Variants in COL12A1 observed in about 807,000 individuals in gnomAD.
The protein encoded by COL12A1 is collagen alpha-1(XII) chain.
In COL12A1, 114 loss-of-function variants were observed where a neutral mutation model predicts 349.7. The observed-to-expected ratio is 0.33, with a 90% confidence interval of 0.28 to 0.38. The LOEUF (loss-of-function observed/expected upper bound fraction) is 0.38. COL12A1 is among the 10% of genes least tolerant of loss of function. The pLI is 1.00. For synonymous variants in COL12A1, 1,369 were observed against 1,329.0 expected, an observed-to-expected ratio of 1.03 and a Z score of -0.66; for missense variants, 3,284 against 3,756.9, an observed-to-expected ratio of 0.87 and a Z score of 3.29.
intron 15 of COL12A1, 108 bp downstream of exon 15, chr6:75,156,149 C>T (rs1210920115): frequency 3.0e-6 from 4 of 1,330,264 alleles, no homozygotes; most frequent in Middle Eastern, 2.1e-4. Flanking sequence ...TATAATTTAA[C>T]TTATTACGGA....
intron 21 of COL12A1, among the ~76,000 whole-genome samples, chr6:75,150,223 T>C (rs1023877494): frequency 6.6e-6 from 1 of 152,192 alleles, no homozygotes; most frequent in African/African-American, 2.4e-5. Flanking sequence ...GCCATAATTT[T>C]TATCATTAAT....
At chr6:75,096,666 G>A (rs1192702824) in intron 59 of COL12A1, among the ~76,000 whole-genome samples, 1 of 152,192 alleles carries the variant, frequency 6.6e-6, no homozygotes, top group Non-Finnish European at 1.5e-5. Flanking sequence ...GGAGGCCGAG[G>A]CCGGCAGATC....
chr6:75,091,579 T>C (rs1767770050), intron 60 of COL12A1, 54 bp from the exon 61 acceptor site: 1 of 1,519,132 alleles, frequency 6.6e-7, no homozygotes, highest in Non-Finnish European at 9.1e-7. Context: ...TCTAAAATGA[T>C]GCATGAATAG....
At chr6:75,134,906 C>A in intron 31 of COL12A1, 51 bp from the exon 32 acceptor site, 1 of 1,568,540 alleles carries the variant, frequency 6.4e-7, no homozygotes, top group Non-Finnish European at 8.7e-7. Flanking sequence ...CTCCATCTCA[C>A]TAATCTGTTA....
At chr6:75,126,295 C>CTCATA (rs1464031769) in intron 39 of COL12A1, 56 bp downstream of exon 39, 31 of 1,566,478 alleles carry the variant, frequency 2.0e-5, no homozygotes, top group Non-Finnish European at 2.4e-5. Context: ...AGAAAATACC[C>CTCATA]TCATATGCAA....
chr6:75,121,382 C>T lies in COL12A1; in HGVS notation c.7006G>A (p.Asp2336Asn). ...TTTACAACTTTGTTAAAATTATCGT[C>T]CCCAATGCTCCAGGAGGCATCAGTC... Reference protein sequence around the residue: ...FLTDASWSIGDDNFNKVVKFI... With the variant: ...FLTDASWSIGNDNFNKVVKFI... The change falls in exon 44 of 66, where the codon GAC becomes AAC. Residue 2336 changes from aspartate (D) to asparagine (N), a missense_variant. This residue lies in a region of COL12A1 where 683 missense variants were observed against 932.1 expected (regional missense o/e 0.73). Coordinates refer to ENST00000322507, the MANE Select transcript of COL12A1 (RefSeq NM_004370.6). The T allele has an allele frequency of 6.2e-7, 1 of 1,612,178 alleles. No individual in the cohort carries two copies. Among genetic ancestry groups the T allele is most frequent in the Non-Finnish European group, 8.5e-7 (1 of 1,178,744 alleles).
In COL12A1 at chr6:75,183,585, C is replaced by A. The variant is rs372285460; in HGVS notation, c.1356G>T (p.Gly452=). ...VFLVDGSYSI[G]IANFVKVRAF... ...CTCTAACTTTAACAAAGTTTGCAAT[C>A]CCAATGCTATAGGAGCCATCAACCA... The change falls in exon 10 of 66, where the codon GGG becomes GGT. Residue 452 remains glycine, a synonymous_variant. Transcript: ENST00000322507. The A allele has an allele frequency of 9.2e-5, 148 of 1,613,978 alleles. No individual in the cohort carries two copies. The highest frequency in any genetic ancestry group is 1.2e-4 in the Non-Finnish European group (143 of 1,180,020).
chr6:75,177,702 G>A lies in COL12A1; in HGVS notation c.2398C>T (p.Pro800Ser), dbSNP rs933829980. ...GCATTTCCAGTTAATGGAGTACCAG[G>A]TCCTGAGAAATATTCAGGAATTACA... ...VSVIPEYFSG[P>S]GTPLTGNAAT... Residue 800 changes from proline to serine, a missense_variant, in exon 12 of 66, where the codon CCT (proline) becomes TCT (serine). By Grantham distance (74) the Pro-to-Ser change is moderately conservative. This residue lies in a region of COL12A1 where 2,601 missense variants were observed against 2,824.8 expected (regional missense o/e 0.92). Coordinates refer to ENST00000322507, the MANE Select transcript of COL12A1 (RefSeq NM_004370.6). The A allele has an allele frequency of 6.2e-7, 1 of 1,614,000 alleles. No homozygotes were observed. The highest frequency in any genetic ancestry group is 8.5e-7 in the Non-Finnish European group (1 of 1,179,998).
chr6:75,191,771 A>G lies in COL12A1; in HGVS notation c.335-11T>C. 1 of 1,565,646 alleles carries G rather than the reference A, an allele frequency of 6.4e-7. No individual in the cohort carries two copies. Among genetic ancestry groups the G allele is most frequent in the Non-Finnish European group, 8.6e-7 (1 of 1,156,278 alleles). ...AACTACCTGTTTGAACTAAGTTAAA[A>G]CTTTATTATTACAAAAGGAAATGAA... is the stretch of plus-strand genomic sequence containing the variant. On this transcript the variant is annotated splice_polypyrimidine_tract_variant and intron_variant, in intron 4 of 65. Transcript: ENST00000322507.
chr6:75,120,354 T>A (rs572435599), intron 44 of COL12A1, among the ~76,000 whole-genome samples: 1 of 152,194 alleles, frequency 6.6e-6, no homozygotes, highest in Non-Finnish European at 1.5e-5. Flanking sequence ...ACAAGTTTTG[T>A]TGATGAAATT....
chr6:75,106,136 T>C (rs1333435683), intron 53 of COL12A1, among the ~76,000 whole-genome samples: 1 of 152,118 alleles, frequency 6.6e-6, no homozygotes, highest in African/African-American at 2.4e-5. Context: ...TTACAAGCAA[T>C]AAGAGGGCTT....
Position 75,134,765 on chromosome 6 carries a change from C to T in COL12A1, c.5485G>A (p.Asp1829Asn). ...YTITVSSLYP[D>N]GEGGRMTGRG... ...CCCGTCATCCGACCTCCTTCACCAT[C>T]AGGATACAGAGAGGATACGGTGATA... The change falls in exon 32 of 66, where the codon GAT becomes AAT. Residue 1829 changes from aspartate (D) to asparagine (N), a missense_variant. Around this residue, in one of 2 missense-constraint regions of COL12A1, gnomAD observed 2,601 missense variants for 2,824.8 expected, o/e 0.92. Transcript: ENST00000322507. 6.2e-7 allele frequency: 1 copy of T among 1,610,114 alleles called. No individual in the cohort carries two copies. Among genetic ancestry groups the T allele is most frequent in the Non-Finnish European group, 8.5e-7 (1 of 1,177,306 alleles).
At chr6:75,133,234 C>T (rs1240940379) in intron 34 of COL12A1, 59 bp downstream of exon 34, 7 of 1,455,868 alleles carry the variant, frequency 4.8e-6, no homozygotes, top group Non-Finnish European at 5.5e-6. Context: ...CCTTTATGGT[C>T]TTTATAATGA....
At chr6:75,200,079 T>G (rs1562330248) in intron 2 of COL12A1, among the ~76,000 whole-genome samples, 1 of 152,170 alleles carries the variant, frequency 6.6e-6, no homozygotes, top group African/African-American at 2.4e-5. Context: ...TGGTACCAAA[T>G]GGAGTCCCAA....
chr6:75,089,229 A>AT, intron 63 of COL12A1, 55 bp from the exon 64 acceptor site: 2 of 1,283,888 alleles, frequency 1.6e-6, no homozygotes, highest in South Asian at 2.6e-5. Flanking sequence ...GAAGCATGTA[A>AT]TTTTCATCTT....
intron 51 of COL12A1, among the ~76,000 whole-genome samples, chr6:75,111,138 A>G (rs769394671): frequency 4.6e-5 from 7 of 151,894 alleles, no homozygotes; most frequent in African/African-American, 7.2e-5. Context: ...AGTATATACA[A>G]TTTTTCTATA....
chr6:75,140,295 C>A (rs1322335361), intron 27 of COL12A1, among the ~76,000 whole-genome samples: 1 of 152,068 alleles, frequency 6.6e-6, no homozygotes, highest in African/African-American at 2.4e-5. Context: ...AATGAAATTG[C>A]TAAGAGATCT....
chr6:75,154,533 C>G lies in COL12A1; in HGVS notation c.3448G>C (p.Gly1150Arg), dbSNP rs1313907579. Reference sequence around the variant, plus strand: ...AAAACATTTACTTTATAGGTGGTACCAGCCCTAAAATGTTAAAGTATATAT... The same window carrying G: ...AAAACATTTACTTTATAGGTGGTACGAGCCCTAAAATGTTAAAGTATATAT... The part of the protein sequence containing the change: ...NTVVLEELRA[G>R]TTYKVNVFGM... The change falls in exon 17 of 66, where the codon GGT becomes CGT. Residue 1150 changes from glycine to arginine, a missense_variant. Gly to Arg is a moderately radical substitution (Grantham distance 125). This residue lies in a region of COL12A1 where 2,601 missense variants were observed against 2,824.8 expected (regional missense o/e 0.92). Coordinates refer to ENST00000322507, the MANE Select transcript of COL12A1 (RefSeq NM_004370.6). The G allele has an allele frequency of 6.2e-7, 1 of 1,608,454 alleles. No individual in the cohort carries two copies. Among genetic ancestry groups the G allele is most frequent in the Non-Finnish European group, 8.5e-7 (1 of 1,176,610 alleles).
chr6:75,133,565 C>T, intron 33 of COL12A1, 143 bp from the exon 34 acceptor site: 1 of 885,012 alleles, frequency 1.1e-6, no homozygotes. Flanking sequence ...CCCCACATGA[C>T]CTGTTACAAG....
Sources: allele counts gnomAD v4.1 joint callset (sites outside exome capture counted in the v4.1 genomes callset), GRCh38; gene constraint gnomAD v4.1.1; regional missense constraint gnomAD v4.1.1; transcripts MANE v1.5; gene names NCBI Gene and HGNC (gene_info 2026-07-23, HGNC 2026-07-21).